Variants in RYR2 observed in about 807,000 individuals in gnomAD.
RYR2 encodes the protein cardiac muscle ryanodine receptor-calcium release channel.
Under a neutral mutation model 601.1 loss-of-function variants are expected in RYR2, and 227 were observed. The ratio of observed to expected loss-of-function variants is 0.38; its 90% confidence interval spans 0.34 to 0.42. The LOEUF is 0.42. Among genes scored for constraint, RYR2 ranks in the 10% least tolerant of loss-of-function variants. The pLI is 1.00. For missense variants in RYR2, 4,646 were observed against 6,156.5 expected, an observed-to-expected ratio of 0.75 and a Z score of 8.21; for synonymous variants, 2,223 against 2,175.1, an observed-to-expected ratio of 1.02 and a Z score of -0.61.
intron 1 of RYR2, among the ~76,000 whole-genome samples, chr1:237,200,880 T>C (rs1478656608): frequency 6.6e-6 from 1 of 152,214 alleles, no homozygotes; most frequent in East Asian, 1.9e-4. Flanking sequence ...TCTACTTTAG[T>C]TGTGATTCTC....
At chr1:237,543,902 T>A (rs1040536005) in intron 25 of RYR2, among the ~76,000 whole-genome samples, 1 of 152,176 alleles carries the variant, frequency 6.6e-6, no homozygotes, top group Non-Finnish European at 1.5e-5. Context: ...AACATGAAAA[T>A]TCCCCAGTGG....
intron 25 of RYR2, among the ~76,000 whole-genome samples, chr1:237,548,141 A>G (rs562053138): frequency 6.6e-5 from 10 of 152,358 alleles, no homozygotes; most frequent in Admixed American, 2.0e-4. Flanking sequence ...AGCCTCAGCT[A>G]TTAGGAACAC....
At chr1:237,357,924 A>G (rs1040125731) in intron 4 of RYR2, among the ~76,000 whole-genome samples, 6 of 152,204 alleles carry the variant, frequency 3.9e-5, no homozygotes, top group Admixed American at 2.6e-4. Flanking sequence ...TAGAACACGG[A>G]TGATCACTAT....
chr1:237,496,368 A>T (rs1390602267), intron 19 of RYR2, 143 bp from the exon 20 acceptor site: 4 of 1,073,112 alleles, frequency 3.7e-6, no homozygotes, highest in South Asian at 1.7e-5. Flanking sequence ...TGATTGCACT[A>T]CTGCGCTTCA....
chr1:237,469,048 G>A, intron 16 of RYR2, 44 bp from the exon 17 acceptor site: 1 of 1,527,042 alleles, frequency 6.5e-7, no homozygotes, highest in Non-Finnish European at 9.1e-7. Flanking sequence ...CAATTTTCGA[G>A]CTAGAAAATC....
chr1:237,788,694 C>T (rs1021121779), intron 92 of RYR2, among the ~76,000 whole-genome samples: 2 of 152,158 alleles, frequency 1.3e-5, no homozygotes, highest in African/African-American at 4.8e-5. Flanking sequence ...AAGGTCTATT[C>T]AAAATTGTTC....
At chr1:237,045,840 A>C (rs1474746157) in intron 1 of RYR2, among the ~76,000 whole-genome samples, 1 of 149,586 alleles carries the variant, frequency 6.7e-6, no homozygotes, top group East Asian at 2.0e-4. Context: ...ACTTTAGGAA[A>C]ACCATGGTAT....
At chr1:237,477,975 C>T (rs780071987) in intron 17 of RYR2, among the ~76,000 whole-genome samples, 6 of 152,098 alleles carry the variant, frequency 3.9e-5, no homozygotes, top group African/African-American at 9.7e-5. Context: ...GGATATTAGC[C>T]GAGGTGCTTT....
At chr1:237,734,331 T>C (rs1690947707) in intron 79 of RYR2, among the ~76,000 whole-genome samples, 1 of 152,124 alleles carries the variant, frequency 6.6e-6, no homozygotes, top group Non-Finnish European at 1.5e-5. Context: ...TGTCAAACAC[T>C]GTTAAACCAT....
At chr1:237,195,081 C>A (rs1680404161) in intron 1 of RYR2, among the ~76,000 whole-genome samples, 1 of 152,100 alleles carries the variant, frequency 6.6e-6, no homozygotes, top group African/African-American at 2.4e-5. Context: ...TTACTGAATT[C>A]ATGATCATAA....
chr1:237,550,003 T>A (rs1343729354), intron 26 of RYR2, among the ~76,000 whole-genome samples: 2 of 151,222 alleles, frequency 1.3e-5, no homozygotes, highest in African/African-American at 4.9e-5. Context: ...GGTTTCATAG[T>A]CATTTTAGTG....
At chr1:237,278,084 T>C (rs1690469323) in intron 2 of RYR2, among the ~76,000 whole-genome samples, 1 of 152,008 alleles carries the variant, frequency 6.6e-6, no homozygotes, top group South Asian at 2.1e-4. Context: ...TTGTTTTGTT[T>C]TTTTGAGTCA....
intron 77 of RYR2, among the ~76,000 whole-genome samples, chr1:237,730,702 G>A (rs1326378715): frequency 6.6e-6 from 1 of 152,140 alleles, no homozygotes; most frequent in African/African-American, 2.4e-5. Context: ...CTGTCAAGAA[G>A]TTATCCACCT....
intron 71 of RYR2, among the ~76,000 whole-genome samples, 154 bp from the exon 72 acceptor site, chr1:237,717,044 G>A (rs1462879954): frequency 6.6e-6 from 1 of 152,048 alleles, no homozygotes; most frequent in African/African-American, 2.4e-5. Flanking sequence ...TACTAAGAAG[G>A]GAAGAGAAAA....
chr1:237,126,252 A>AT (rs1042834037), intron 1 of RYR2, among the ~76,000 whole-genome samples: 12 of 151,474 alleles, frequency 7.9e-5, no homozygotes, highest in Admixed American at 3.3e-4. Context: ...AAAAAAAAAA[A>AT]TTGAATAGTT....
At chr1:237,832,394 T>G (rs1226546709) in intron 104 of RYR2, among the ~76,000 whole-genome samples, 158 bp from the exon 105 acceptor site, 1 of 152,144 alleles carries the variant, frequency 6.6e-6, no homozygotes, top group African/African-American at 2.4e-5. Context: ...AAGATTATTA[T>G]GAGACGTTAA....
At chr1:237,213,909 C>CTTTTTTTTTT (rs1682868487) in intron 1 of RYR2, among the ~76,000 whole-genome samples, 13 of 107,328 alleles carry the variant, frequency 1.2e-4, no homozygotes, top group African/African-American at 1.7e-4. Context: ...CTTTTTTTTT[C>CTTTTTTTTTT]TTTTTCTTTT....
chr1:237,178,434 G>A (rs1048280237), intron 1 of RYR2, among the ~76,000 whole-genome samples: 1 of 145,970 alleles, frequency 6.9e-6, no homozygotes, highest in African/African-American at 2.6e-5. Flanking sequence ...GTGTGTGTGT[G>A]TGTGTGTGTG....
chr1:237,641,462 T>A (rs1681466523), intron 47 of RYR2, among the ~76,000 whole-genome samples: 1 of 55,686 alleles, frequency 1.8e-5, no homozygotes, highest in Non-Finnish European at 5.3e-5. Context: ...TATAAATTAG[T>A]GTCTGTCTGT....
Sources: gnomAD v4.1 joint callset for allele counts (sites outside exome capture counted in the v4.1 genomes callset) on GRCh38, gnomAD v4.1.1 for gene constraint, MANE v1.5 for transcripts, NCBI Gene and HGNC (gene_info 2026-07-23, HGNC 2026-07-21) for gene names.